The following EHD3 variants were observed in gnomAD, a reference collection of about 807,000 sequenced individuals.
EHD3 encodes the protein EH domain containing 3.
A neutral mutation model predicts 43.0 loss-of-function variants in EHD3; 17 were observed. That is an observed-to-expected ratio of 0.40 (90% CI 0.27 to 0.59). The LOEUF is 0.59. EHD3 is among the 20% of genes least tolerant of loss of function. The pLI, the probability that EHD3 is intolerant of heterozygous loss-of-function variation, is 0.49. For missense variants in EHD3, 594 were observed against 705.6 expected, an observed-to-expected ratio of 0.84 and a Z score of 1.79; for synonymous variants, 313 against 289.5, an observed-to-expected ratio of 1.08 and a Z score of -0.82.
intron 1 of EHD3, among the ~76,000 whole-genome samples, chr2:31,238,815 G>A (rs909426241): frequency 2.2e-4 from 33 of 152,200 alleles, no homozygotes; most frequent in Non-Finnish European, 4.7e-4. Flanking sequence ...GTACTTCCAT[G>A]GGCCATGAGG....
rs2148726546 is a variant in EHD3, at chr2:31,268,725, C to A, written c.*2021C>A. ...GAGGTCTCACCTGCTCTGGAGAAAA[C>A]CCTTGAGTGCCGAGTGCAGGTTAGG... On this transcript the variant is annotated 3_prime_UTR_variant, in exon 6 of 6. Transcript: ENST00000322054. 1 of 152,352 alleles carries A rather than the reference C, an allele frequency of 6.6e-6. No homozygotes were observed. The highest frequency in any genetic ancestry group is 3.4e-3 in the Middle Eastern group (1 of 294). The allele number at this position is 152,352 out of a possible 1,614,324, so 9.4% of individuals were successfully genotyped here. A position where few individuals can be genotyped will look rare whatever the true frequency, so the allele number is the denominator to read the frequency against.
chr2:31,243,460 C>CTTTCTTTCTTTCTTTCTTTCTT (rs1553402472), intron 1 of EHD3, among the ~76,000 whole-genome samples: 4 of 98,464 alleles, frequency 4.1e-5, no homozygotes, highest in African/African-American at 1.8e-4. Flanking sequence ...TTCTTTCTTT[C>CTTTCTTTCTTTCTTTCTTTCTT]TTTTTTTTTT....
At chr2:31,241,434 T>C (rs536604435) in intron 1 of EHD3, among the ~76,000 whole-genome samples, 1 of 152,280 alleles carries the variant, frequency 6.6e-6, no homozygotes. Flanking sequence ...CTTTATCTCC[T>C]CCTCCTTCAA....
Position 31,266,952 on chromosome 2 carries a change from T to C in EHD3, c.*248T>C, listed in dbSNP as rs116661208. 1,650 of 503,566 alleles carry C rather than the reference T, an allele frequency of 3.3e-3. 15 individuals carry two copies. Among genetic ancestry groups the C allele is most frequent in the African/African-American group, 0.02 (1,038 of 52,322 alleles). The allele number at this position is 503,566 out of a possible 1,614,324, so 31.2% of individuals were successfully genotyped here. A position where few individuals can be genotyped will look rare whatever the true frequency, so the allele number is the denominator to read the frequency against. On this transcript the variant is annotated 3_prime_UTR_variant, in exon 6 of 6. Transcript: ENST00000322054. This position sits in a 1 kb window ranked among gnomAD's most constrained non-coding sequence, Gnocchi z 5.1. ...CCAGGCCCCAGAGTCTAAGCCTAAG[T>C]CTCTATCGCTCTTCCCCTCTCCTCG...
In EHD3 at chr2:31,251,423, C is replaced by A. The variant is rs145381916; in HGVS notation, c.502+1955C>A. Among the ~76,000 whole-genome samples, 321 of 152,302 alleles carry A rather than the reference C, an allele frequency of 2.1e-3. 2 individuals carry two copies. Among genetic ancestry groups the A allele is most frequent in the African/African-American group, 7.3e-3 (305 of 41,566 alleles). The stretch of plus-strand genomic sequence containing the variant: ...ACAGCCTGGAGTCCTCATCCTGTAG[C>A]AGGTGGGAGGGAGTGGGGAGGCTGA... On this transcript the variant is annotated intron_variant, in intron 3 of 5. Coordinates refer to ENST00000322054, the MANE Select transcript of EHD3 (RefSeq NM_014600.3).
intron 4 of EHD3, 142 bp from the exon 5 acceptor site, chr2:31,261,407 G>A (rs1683852470): frequency 9.8e-7 from 1 of 1,016,502 alleles, no homozygotes; most frequent in African/African-American, 1.6e-5. Flanking sequence ...AGCCATGAGG[G>A]TAGAGGTAGA....
intron 5 of EHD3, 115 bp downstream of exon 5, chr2:31,261,828 C>A: frequency 8.6e-7 from 1 of 1,163,484 alleles, no homozygotes; most frequent in Non-Finnish European, 1.1e-6. Flanking sequence ...CGCCCAGAAT[C>A]TGCAGGCAAG....
At position 31,234,747 on chromosome 2, in the gene EHD3, C is replaced by T; in HGVS notation, c.126C>T (p.Phe42=). 6.2e-7 allele frequency: 1 copy of T among 1,614,244 alleles called. No individual in the cohort carries two copies. Among genetic ancestry groups the T allele is most frequent in the Non-Finnish European group, 8.5e-7 (1 of 1,180,052 alleles). ...TGCCCTTGGAAGAGCATTACCGCTT[C>T]CACGAGTTCCACTCGCCCGCCCTGG... ...KLLPLEEHYR[F]HEFHSPALED... Residue 42 remains phenylalanine, a synonymous_variant, in exon 1 of 6, where the codon TTC becomes TTT. Transcript: ENST00000322054.
intron 4 of EHD3, 40 bp from the exon 5 acceptor site, chr2:31,261,509 G>A (rs770567733): frequency 4.0e-5 from 65 of 1,610,874 alleles, no homozygotes; most frequent in Non-Finnish European, 5.3e-5. Context: ...GACCGTCCAG[G>A]GTCTTGATGT....
At chr2:31,239,987 C>T (rs1489441489) in intron 1 of EHD3, among the ~76,000 whole-genome samples, 1 of 152,138 alleles carries the variant, frequency 6.6e-6, no homozygotes, top group Non-Finnish European at 1.5e-5. Flanking sequence ...GCTGGCCTGT[C>T]GCAAGGAGGC....
chr2:31,266,113 G>C lies in EHD3; in HGVS notation c.1081-64G>C. 1 of 1,533,624 alleles carries C rather than the reference G, an allele frequency of 6.5e-7. No individual in the cohort carries two copies. The highest frequency in any genetic ancestry group is 8.8e-7 in the Non-Finnish European group (1 of 1,137,084). On this transcript the variant is annotated intron_variant, in intron 5 of 5. Transcript: ENST00000322054. The surrounding 1 kb of genome is among the most constrained non-coding windows in gnomAD (Gnocchi z 5.1). Reference sequence around the variant, plus strand: ...ACATTCTGGTGCTCATAGGAGGCACGTGATAAATGGAGGGCTCTCCTTTCA... The same window carrying C: ...ACATTCTGGTGCTCATAGGAGGCACCTGATAAATGGAGGGCTCTCCTTTCA...
At chr2:31,249,503 C>G in intron 3 of EHD3, 35 bp downstream of exon 3, 1 of 1,594,694 alleles carries the variant, frequency 6.3e-7, no homozygotes, top group South Asian at 1.1e-5. Context: ...TGGCTGTGGG[C>G]TCCATGGTTC....
Position 31,266,291 on chromosome 2 carries a change from CAGG to C in EHD3, c.1201_1203del (p.Glu401del). 6.2e-7 allele frequency: 1 copy of C among 1,614,192 alleles called. No individual in the cohort carries two copies. Among genetic ancestry groups the C allele is most frequent in the South Asian group, 1.1e-5 (1 of 91,066 alleles). ...TGCCCAGCTCATGGTGCTAGTGCGC[CAGG>C]AGGAGTCACAGCGGCCCATCCAGAT... is the stretch of plus-strand genomic sequence containing the variant. On this transcript the variant is annotated inframe_deletion, in exon 6 of 6. Coordinates refer to ENST00000322054, the MANE Select transcript of EHD3 (RefSeq NM_014600.3). This position sits in a 1 kb window ranked among gnomAD's most constrained non-coding sequence, Gnocchi z 5.1.
At chr2:31,258,129 A>G (rs1014870997) in intron 3 of EHD3, among the ~76,000 whole-genome samples, 1 of 152,186 alleles carries the variant, frequency 6.6e-6, no homozygotes, top group African/African-American at 2.4e-5. Context: ...TCACATGGCA[A>G]TGGGAATGCT....
intron 1 of EHD3, 32 bp downstream of exon 1, chr2:31,234,880 C>T (rs1200443012): frequency 1.2e-6 from 2 of 1,607,868 alleles, no homozygotes; most frequent in Non-Finnish European, 1.7e-6. Context: ...GCAGCCCACC[C>T]CGGAGCCCAG....
chr2:31,234,560 C>T lies in EHD3; in HGVS notation c.-62C>T. ...AGCCCGGCGGACCGGTCCTACGGGA[C>T]ATCTTCCCCTGAGGAGGAGTCTTCC... On this transcript the variant is annotated 5_prime_UTR_variant, in exon 1 of 6. Transcript: ENST00000322054. 6.3e-7 allele frequency: 1 copy of T among 1,576,800 alleles called. No homozygotes were observed. The highest frequency in any genetic ancestry group is 1.7e-5 in the Admixed American group (1 of 59,556).
chr2:31,259,855 G>A (rs564279095), intron 3 of EHD3, among the ~76,000 whole-genome samples: 19 of 152,248 alleles, frequency 1.2e-4, no homozygotes, highest in African/African-American at 4.3e-4. Flanking sequence ...CAGTAAGCAC[G>A]GATAGGGGAG....
At chr2:31,251,878 AC>A (rs1261943616) in intron 3 of EHD3, among the ~76,000 whole-genome samples, 23 of 151,810 alleles carry the variant, frequency 1.5e-4, no homozygotes, top group Non-Finnish European at 3.4e-4. Context: ...CCTATTCCCA[AC>A]CCCAAGTGGT....
At position 31,260,658 on chromosome 2, in the gene EHD3, G is replaced by C; in HGVS notation, c.651G>C (p.Val217=). The change falls in exon 4 of 6, where the codon GTG becomes GTC. Residue 217 remains valine, a synonymous_variant. Coordinates refer to ENST00000322054, the MANE Select transcript of EHD3 (RefSeq NM_014600.3). The surrounding 1 kb of genome is among the most constrained non-coding windows in gnomAD (Gnocchi z 4.6). ...LKNHEDKMRV[V]LNKADQIETQ... ...ACCACGAGGACAAGATGCGAGTGGT[G>C]CTGAACAAAGCTGACCAGATCGAGA... The C allele has an allele frequency of 6.2e-7, 1 of 1,614,220 alleles. No individual in the cohort carries two copies. Among genetic ancestry groups the C allele is most frequent in the Admixed American group, 1.7e-5 (1 of 60,034 alleles).
Sources: gnomAD v4.1 joint callset for allele counts (sites outside exome capture counted in the v4.1 genomes callset) on GRCh38, gnomAD v4.1.1 for gene constraint, Gnocchi (gnomAD v3.1) non-coding constraint, MANE v1.5 for transcripts, NCBI Gene and HGNC (gene_info 2026-07-23, HGNC 2026-07-21) for gene names.